The following USP50 variants were observed in gnomAD, a reference collection of about 807,000 sequenced individuals.
USP50 encodes the protein ubiquitin specific peptidase 50, also known as ubiquitin carboxyl-terminal hydrolase 50.
A neutral mutation model predicts 39.2 loss-of-function variants in USP50; 37 were observed. The ratio of observed to expected loss-of-function variants is 0.94; its 90% CI spans 0.73 to 1.24. The LOEUF is 1.24. USP50 is among the 50% of genes most tolerant of loss of function. The probability of loss-of-function intolerance (pLI) is 0.00; values close to 1 mark genes in which losing one functional copy is unlikely to be tolerated. For missense variants in USP50, 374 were observed against 398.2 expected (o/e 0.94, Z 0.52); for synonymous variants, 139 against 144.5 (o/e 0.96, Z 0.27).
intron 4 of USP50, among the ~76,000 whole-genome samples, chr15:50,539,112 T>TG (rs1491413303): frequency 0.015 from 2,005 of 134,396 alleles, 45 homozygotes; most frequent in African/African-American, 0.05. Context: ...TTTTTGGTTT[T>TG]GTTTTTTTTT....
chr15:50,496,970 T>G (rs567662377), downstream of USP50: 3 of 1,322,692 alleles, frequency 2.3e-6, no homozygotes, highest in East Asian at 7.1e-5. Context: ...GCAGGAACTC[T>G]TTTGTGTAGA....
chr15:50,540,372 T>C (rs1033279675), intron 4 of USP50, among the ~76,000 whole-genome samples: 10 of 152,182 alleles, frequency 6.6e-5, no homozygotes, highest in Non-Finnish European at 1.3e-4. Flanking sequence ...ATGTTTTATA[T>C]CTAGTTCCCA....
At chr15:50,517,526 A>G (rs894889633) in intron 6 of USP50, among the ~76,000 whole-genome samples, 1 of 152,116 alleles carries the variant, frequency 6.6e-6, no homozygotes, top group African/African-American at 2.4e-5. Context: ...TCCAATCACA[A>G]TGGCATTAAA....
At chr15:50,500,905 AG>A (rs1398180876) in intron 6 of USP50, 68 bp from the exon 7 acceptor site, 1 of 1,253,418 alleles carries the variant, frequency 8.0e-7, no homozygotes, top group Admixed American at 2.0e-5. Context: ...CAGAAATGAT[AG>A]GGCCAAGAGA....
downstream of USP50, chr15:50,493,159 G>C (rs1000094384): frequency 3.5e-6 from 2 of 578,912 alleles, no homozygotes; most frequent in South Asian, 3.0e-5. Context: ...GGACAGACTC[G>C]TCCTGTCGAG....
intron 6 of USP50, chr15:50,511,204 A>G (rs996951546): frequency 2.6e-5 from 4 of 152,186 alleles, no homozygotes; most frequent in African/African-American, 9.7e-5. Flanking sequence ...GGAAAATGCA[A>G]CTCAAAACCA....
intron 3 of USP50, among the ~76,000 whole-genome samples, chr15:50,542,014 CAT>C (rs1209266271): frequency 7.3e-6 from 1 of 136,738 alleles, no homozygotes; most frequent in Non-Finnish European, 1.6e-5. Context: ...GATTGGGAAA[CAT>C]AACAAAATCC....
downstream of USP50, chr15:50,497,647 T>G (rs1305263541): frequency 6.6e-6 from 1 of 152,466 alleles, no homozygotes; most frequent in African/African-American, 2.4e-5. Context: ...TACCATTAAG[T>G]GCAGAAATAA....
intron 2 of USP50, 115 bp downstream of exon 2, chr15:50,544,472 C>A (rs929745236): frequency 3.1e-6 from 3 of 974,736 alleles, no homozygotes; most frequent in African/African-American, 3.3e-5. Context: ...GAAGCTACAA[C>A]CTCTACTGAC....
chr15:50,545,475 A>G (rs1056633728), intron 1 of USP50, among the ~76,000 whole-genome samples: 3 of 151,724 alleles, frequency 2.0e-5, no homozygotes, highest in East Asian at 1.9e-4. Context: ...CTCTCCCAAC[A>G]TACCTATCCA....
downstream of USP50, chr15:50,496,174 T>TACAA (rs985155075): frequency 9.1e-7 from 1 of 1,104,224 alleles, no homozygotes; most frequent in African/African-American, 1.6e-5. Context: ...TCTTTACCCT[T>TACAA]ACAAACATTT....
At chr15:50,519,485 C>T (rs1053293465) in intron 6 of USP50, among the ~76,000 whole-genome samples, 3 of 151,994 alleles carry the variant, frequency 2.0e-5, no homozygotes, top group African/African-American at 2.4e-5. Context: ...GAGGCCGAGG[C>T]GGGTGGATCA....
chr15:50,530,778 A>G (rs1227732995), intron 5 of USP50, among the ~76,000 whole-genome samples: 1 of 152,150 alleles, frequency 6.6e-6, no homozygotes, highest in African/African-American at 2.4e-5. Context: ...GAAAGGGATA[A>G]CCAAGGCTCA....
rs577953866 is a variant in USP50, at chr15:50,537,612, A to G, written c.803+1097T>C. Among the ~76,000 whole-genome samples, 23 of 151,886 alleles carry G rather than the reference A, an allele frequency of 1.5e-4. No homozygotes were observed. In the East Asian group the frequency reaches 2.5e-3, roughly 17 times the overall value. ...AGTGGCTCATGCCTATAATCCAAGC[A>G]CTTTGGGAGACCGAGGTGGGCAGAT... is the stretch of plus-strand genomic sequence containing the variant. On this transcript the variant is annotated intron_variant, in intron 5 of 6. Transcript: ENST00000532404.
chr15:50,529,653 A>G (rs2052924510), intron 6 of USP50, 144 bp downstream of exon 6: 1 of 812,450 alleles, frequency 1.2e-6, no homozygotes. Flanking sequence ...CTACTTGTCT[A>G]GGTCAAAGTG....
chr15:50,524,976 C>T (rs935133939), intron 6 of USP50, among the ~76,000 whole-genome samples: 7 of 152,098 alleles, frequency 4.6e-5, no homozygotes, highest in African/African-American at 1.7e-4. Flanking sequence ...GGGATATCTA[C>T]ATGCCCATGC....
At chr15:50,494,332 A>T in intron 1 of USP50, 1 of 1,478,420 alleles carries the variant, frequency 6.8e-7, no homozygotes, top group Non-Finnish European at 9.1e-7. Flanking sequence ...GTTGCTCAGT[A>T]GCACTGTATT....
chr15:50,538,003 G>A (rs200902756), intron 5 of USP50, among the ~76,000 whole-genome samples: 1 of 146,770 alleles, frequency 6.8e-6, no homozygotes, highest in African/African-American at 2.5e-5. Context: ...CTGGCCAGGC[G>A]TGGGGGCTCA....
intron 5 of USP50, among the ~76,000 whole-genome samples, chr15:50,535,256 A>T (rs962367982): frequency 6.6e-6 from 1 of 152,208 alleles, no homozygotes; most frequent in Non-Finnish European, 1.5e-5. Flanking sequence ...CAGATCCAGC[A>T]GGCAAAAAAT....
Sources: gnomAD v4.1 joint callset for allele counts (sites outside exome capture counted in the v4.1 genomes callset) on GRCh38, gnomAD v4.1.1 for gene constraint, MANE v1.5 for transcripts, NCBI Gene and HGNC (gene_info 2026-07-23, HGNC 2026-07-21) for gene names.